The following MYRIP variants were observed in gnomAD, a reference collection of about 807,000 sequenced individuals.
MYRIP encodes rab effector MyRIP.
Under a neutral mutation model 98.0 loss-of-function variants are expected in MYRIP, and 49 were observed. The observed-to-expected ratio is 0.50, with a 90% CI of 0.40 to 0.63. MYRIP has a LOEUF of 0.63. MYRIP is among the 30% of genes least tolerant of loss of function. The probability of loss-of-function intolerance (pLI) is 0.00; values close to 1 mark genes in which losing one functional copy is unlikely to be tolerated. For synonymous variants in MYRIP, 404 were observed against 409.5 expected (o/e 0.99, Z 0.16); for missense variants, 1,004 against 1,058.2 (o/e 0.95, Z 0.71).
chr3:40,162,866 A>G (rs1302184739), intron 5 of MYRIP, 56 bp downstream of exon 5: 3 of 1,475,486 alleles, frequency 2.0e-6, no homozygotes, highest in South Asian at 1.1e-5. Context: ...AGAAACACCT[A>G]CAGGTACAGG....
intron 2 of MYRIP, among the ~76,000 whole-genome samples, chr3:39,985,618 C>A (rs1324211845): frequency 7.1e-6 from 1 of 141,496 alleles, no homozygotes; most frequent in Non-Finnish European, 1.5e-5. Context: ...AGATATAGAT[C>A]AATGGAACAG....
intron 2 of MYRIP, among the ~76,000 whole-genome samples, chr3:39,989,141 T>C (rs181222998): frequency 2.8e-4 from 43 of 152,290 alleles, no homozygotes; most frequent in African/African-American, 9.9e-4. Flanking sequence ...TTCTTTCTCA[T>C]CTTCATGAGT....
chr3:40,099,393 T>C (rs1288046328), intron 3 of MYRIP, among the ~76,000 whole-genome samples: 1 of 152,184 alleles, frequency 6.6e-6, no homozygotes, highest in Non-Finnish European at 1.5e-5. Context: ...CTTTAGGTCC[T>C]TTCCACAAAT....
intron 2 of MYRIP, among the ~76,000 whole-genome samples, chr3:40,004,462 T>C (rs1334592724): frequency 6.6e-6 from 1 of 152,208 alleles, no homozygotes; most frequent in East Asian, 1.9e-4. Flanking sequence ...ATTTCCACTT[T>C]GTATTTTTAA....
At chr3:40,001,864 T>G (rs1946526378) in intron 2 of MYRIP, among the ~76,000 whole-genome samples, 1 of 152,188 alleles carries the variant, frequency 6.6e-6, no homozygotes, top group Admixed American at 6.5e-5. Context: ...CAAAAGATAT[T>G]TCAGGATAGA....
At chr3:40,061,972 T>C (rs1245339425) in intron 3 of MYRIP, among the ~76,000 whole-genome samples, 1 of 152,226 alleles carries the variant, frequency 6.6e-6, no homozygotes, top group Non-Finnish European at 1.5e-5. Flanking sequence ...TAAATTTGTT[T>C]AATTCCTTAT....
At chr3:39,961,839 A>C (rs1041757434) in intron 2 of MYRIP, among the ~76,000 whole-genome samples, 5 of 152,072 alleles carry the variant, frequency 3.3e-5, no homozygotes, top group African/African-American at 1.2e-4. Context: ...TTGCATTAGG[A>C]CCTTTAAGTC....
At chr3:40,151,501 A>T (rs1950119725) in intron 4 of MYRIP, among the ~76,000 whole-genome samples, 1 of 152,226 alleles carries the variant, frequency 6.6e-6, no homozygotes, top group Non-Finnish European at 1.5e-5. Flanking sequence ...TTAATGATTA[A>T]AACGTTGGAA....
chr3:39,826,938 T>C (rs1386226597), intron 1 of MYRIP, among the ~76,000 whole-genome samples: 2 of 152,176 alleles, frequency 1.3e-5, no homozygotes, highest in Non-Finnish European at 2.9e-5. Context: ...GTTTTACTGA[T>C]ATTATATCAG....
chr3:40,163,336 ACT>A (rs1230121159), intron 5 of MYRIP, among the ~76,000 whole-genome samples: 1 of 151,934 alleles, frequency 6.6e-6, no homozygotes, highest in Non-Finnish European at 1.5e-5. Context: ...GCTTATCTGT[ACT>A]CTCTATTCTC....
chr3:39,891,343 T>C (rs1322723306), intron 1 of MYRIP, among the ~76,000 whole-genome samples: 1 of 152,150 alleles, frequency 6.6e-6, no homozygotes, highest in African/African-American at 2.4e-5. Flanking sequence ...TCAGATTTTT[T>C]TTTCTTTTAA....
At chr3:39,841,353 C>A (rs1321709918) in intron 1 of MYRIP, among the ~76,000 whole-genome samples, 1 of 152,056 alleles carries the variant, frequency 6.6e-6, no homozygotes. Context: ...GTTCCTGTAA[C>A]CTTTTATCAA....
intron 2 of MYRIP, among the ~76,000 whole-genome samples, chr3:40,002,762 A>G (rs1345225130): frequency 2.6e-5 from 4 of 152,166 alleles, no homozygotes; most frequent in African/African-American, 7.2e-5. Flanking sequence ...TGATACACAT[A>G]TATGTACATA....
intron 3 of MYRIP, among the ~76,000 whole-genome samples, chr3:40,077,038 C>A (rs1000437962): frequency 6.6e-6 from 1 of 152,122 alleles, no homozygotes; most frequent in African/African-American, 2.4e-5. Context: ...TGGACCCTTG[C>A]GGTGAGTGTT....
At chr3:39,917,133 T>G (rs1944181493) in intron 2 of MYRIP, among the ~76,000 whole-genome samples, 1 of 152,112 alleles carries the variant, frequency 6.6e-6, no homozygotes, top group Non-Finnish European at 1.5e-5. Context: ...CCTGTTTTTG[T>G]CTTCACTTAT....
chr3:40,234,185 A>G lies in MYRIP; in HGVS notation c.2100+132A>G, dbSNP rs1474487332. ...ACACCACTACCACTATAGCAAATAC[A>G]TTCTCAGGAAGGACCTTAGGTTGGA... is the stretch of plus-strand genomic sequence containing the variant. On this transcript the variant is annotated intron_variant, in intron 12 of 16. Coordinates refer to ENST00000302541, the MANE Select transcript of MYRIP (RefSeq NM_015460.4). The G allele has an allele frequency of 3.2e-6, 3 of 927,666 alleles. No individual in the cohort carries two copies. The East Asian group carries it at 9.5e-5, about 30-fold the overall frequency. 57.5% of individuals were successfully genotyped at this position (927,666 alleles called of 1,614,324 possible). A position where few individuals can be genotyped will look rare whatever the true frequency, so the allele number is the denominator to read the frequency against.
chr3:39,911,919 C>A (rs554927816), intron 2 of MYRIP, among the ~76,000 whole-genome samples: 2 of 152,206 alleles, frequency 1.3e-5, no homozygotes, highest in African/African-American at 4.8e-5. Flanking sequence ...GTTTCTGAAC[C>A]TGATACCTGC....
At chr3:40,110,885 TGTGTGTGTGTG>T (rs1452585340) in intron 3 of MYRIP, among the ~76,000 whole-genome samples, 3 of 1,646 alleles carry the variant, frequency 1.8e-3, no homozygotes, top group Non-Finnish European at 0.013. Flanking sequence ...TGAAGGGGTG[TGTGTGTGTGTG>T]TGTGTGTGTG....
intron 10 of MYRIP, among the ~76,000 whole-genome samples, chr3:40,204,185 TATATAA>T (rs1559451987): frequency 1.7e-5 from 1 of 58,028 alleles, no homozygotes; most frequent in Non-Finnish European, 3.2e-5. Flanking sequence ...TATTATATAA[TATATAA>T]ATATTATATT....
Sources: gnomAD v4.1 joint callset for allele counts (sites outside exome capture counted in the v4.1 genomes callset) on GRCh38, gnomAD v4.1.1 for gene constraint, MANE v1.5 for transcripts, NCBI Gene and HGNC (gene_info 2026-07-23, HGNC 2026-07-21) for gene names.